Variants in GNG7 observed in about 807,000 individuals in gnomAD.
GNG7 encodes the protein G protein subunit gamma 7, also known as guanine nucleotide-binding protein G(I)/G(S)/G(O) subunit gamma-7.
GNG7 carries 1 observed loss-of-function variant against 4.0 expected under a neutral mutation model. The ratio of observed to expected loss-of-function variants is 0.25; its 90% CI spans 0.09 to 1.18. The LOEUF is 1.18. Ranked by LOEUF, GNG7 falls within the 50% of genes most tolerant of loss-of-function variation. The pLI, the probability that GNG7 is intolerant of heterozygous loss-of-function variation, is 0.50. For missense variants in GNG7, 86 were observed against 91.9 expected (o/e 0.94, Z 0.26); for synonymous variants, 34 against 36.9 (o/e 0.92, Z 0.29).
chr19:2,543,045 T>A (rs936982911), intron 3 of GNG7, among the ~76,000 whole-genome samples: 1 of 151,882 alleles, frequency 6.6e-6, no homozygotes, highest in Non-Finnish European at 1.5e-5. Flanking sequence ...CCCGAGTAGC[T>A]GGGATTACAG....
intron 1 of GNG7, among the ~76,000 whole-genome samples, chr19:2,657,353 AAAAAAAAAATATAT>A (rs1181188919): frequency 2.0e-3 from 42 of 20,758 alleles, no homozygotes; most frequent in South Asian, 3.6e-3. Flanking sequence ...AAAAAAAAAA[AAAAAAAAAATATAT>A]ATATATATAT....
At chr19:2,673,491 G>A (rs1437711169) in intron 1 of GNG7, among the ~76,000 whole-genome samples, 2 of 151,648 alleles carry the variant, frequency 1.3e-5, no homozygotes, top group Admixed American at 6.6e-5. Context: ...TCAGGAATTC[G>A]AGACCAGCCT....
intron 2 of GNG7, among the ~76,000 whole-genome samples, chr19:2,628,079 T>C (rs1340449825): frequency 6.6e-6 from 1 of 152,160 alleles, no homozygotes; most frequent in Non-Finnish European, 1.5e-5. Context: ...GAAGTGGAGA[T>C]CATTATCTCA....
At chr19:2,638,180 T>G (rs1016763079) in intron 2 of GNG7, among the ~76,000 whole-genome samples, 1 of 151,040 alleles carries the variant, frequency 6.6e-6, no homozygotes, top group African/African-American at 2.4e-5. Flanking sequence ...CTGGCTAACA[T>G]GGTGAAACCC....
intron 1 of GNG7, chr19:2,701,321 G>C (rs1234091502): frequency 6.6e-6 from 1 of 151,506 alleles, no homozygotes; most frequent in Non-Finnish European, 1.5e-5. Context: ...TTTTCCTCCT[G>C]ATTAGTCAAT....
At chr19:2,521,615 T>TTTTTTTC (rs1978309186) in intron 3 of GNG7, among the ~76,000 whole-genome samples, 1 of 135,656 alleles carries the variant, frequency 7.4e-6, no homozygotes, top group African/African-American at 2.7e-5. Context: ...CCTCCGTGTT[T>TTTTTTTC]TTTTTTTTTT....
At chr19:2,568,242 CACAT>C (rs1979994117) in intron 2 of GNG7, among the ~76,000 whole-genome samples, 2 of 151,632 alleles carry the variant, frequency 1.3e-5, no homozygotes, top group African/African-American at 4.8e-5. Flanking sequence ...TGCACATACA[CACAT>C]ATAGACATAC....
intron 2 of GNG7, among the ~76,000 whole-genome samples, chr19:2,559,704 G>C (rs1979677472): frequency 1.1e-5 from 1 of 90,178 alleles, no homozygotes; most frequent in East Asian, 2.8e-4. Flanking sequence ...AGTAGAGACA[G>C]GGTTTCTCCA....
chr19:2,553,258 A>G (rs1033870731), intron 3 of GNG7, among the ~76,000 whole-genome samples: 7 of 151,558 alleles, frequency 4.6e-5, no homozygotes, highest in Non-Finnish European at 1.0e-4. Flanking sequence ...CCAGTGTGTG[A>G]CATCCAATTA....
At position 2,557,929 on chromosome 19, in the gene GNG7, C is replaced by A. The variant is rs1000642640; in HGVS notation, c.-77-2741G>T. Among the ~76,000 whole-genome samples, 1 of 152,038 alleles carries A rather than the reference C, an allele frequency of 6.6e-6. No homozygotes were observed. The highest frequency in any genetic ancestry group is 6.6e-5 in the Admixed American group (1 of 15,252). On this transcript the variant is annotated intron_variant, in intron 2 of 4. Transcript: ENST00000382159. The surrounding 1 kb of genome is among the most constrained non-coding windows in gnomAD (Gnocchi z 5.1). Reference sequence around the variant, plus strand: ...CGATCTCGGCTCACTGCAACCTCTGCCTCCTGGGTACAAGCGACTCTCCTG... The same window carrying A: ...CGATCTCGGCTCACTGCAACCTCTGACTCCTGGGTACAAGCGACTCTCCTG...
intron 2 of GNG7, among the ~76,000 whole-genome samples, chr19:2,629,913 C>T (rs139966074): frequency 1.5e-4 from 23 of 152,198 alleles, no homozygotes; most frequent in East Asian, 1.3e-3. Flanking sequence ...ACTATGGTTA[C>T]GTAAGATGTC....
intron 2 of GNG7, among the ~76,000 whole-genome samples, chr19:2,575,679 AC>A (rs1437886123): frequency 6.9e-6 from 1 of 145,056 alleles, no homozygotes; most frequent in Non-Finnish European, 1.5e-5. Flanking sequence ...ACATGCAGAC[AC>A]GCAGGCACAC....
intron 3 of GNG7, among the ~76,000 whole-genome samples, chr19:2,542,867 T>A (rs1979007853): frequency 6.7e-6 from 1 of 149,100 alleles, no homozygotes; most frequent in South Asian, 2.1e-4. Context: ...GCACACATCA[T>A]CTCTGCTGTT....
chr19:2,620,627 C>T (rs1041661545), intron 2 of GNG7, among the ~76,000 whole-genome samples: 17 of 152,154 alleles, frequency 1.1e-4, no homozygotes, highest in African/African-American at 4.1e-4. Flanking sequence ...TGTCATCGGC[C>T]ACCCTAGAGG....
At chr19:2,619,600 G>T (rs1981812145) in intron 2 of GNG7, among the ~76,000 whole-genome samples, 2 of 152,192 alleles carry the variant, frequency 1.3e-5, no homozygotes. Flanking sequence ...AAGGAACAAG[G>T]CTCTGATGCC....
At chr19:2,596,667 C>T (rs527785058) in intron 2 of GNG7, among the ~76,000 whole-genome samples, 4 of 150,166 alleles carry the variant, frequency 2.7e-5, no homozygotes, top group African/African-American at 9.8e-5. Flanking sequence ...AGACCCTGTC[C>T]CCCCCCCAAA....
intron 3 of GNG7, among the ~76,000 whole-genome samples, chr19:2,525,849 G>A (rs998239232): frequency 6.6e-6 from 1 of 151,826 alleles, no homozygotes; most frequent in African/African-American, 2.4e-5. Flanking sequence ...TCGCTCTGTC[G>A]CCCAGGCTGA....
At chr19:2,652,818 C>T (rs1982866179) in intron 1 of GNG7, among the ~76,000 whole-genome samples, 2 of 152,104 alleles carry the variant, frequency 1.3e-5, no homozygotes, top group Non-Finnish European at 2.9e-5. Context: ...CACAAGGGCT[C>T]ATGCCTGTAA....
At chr19:2,624,768 G>C (rs937724468) in intron 2 of GNG7, among the ~76,000 whole-genome samples, 28 of 152,310 alleles carry the variant, frequency 1.8e-4, no homozygotes, top group Admixed American at 1.6e-3. Flanking sequence ...AAGGAGGGAG[G>C]CTTTCTGGTA....
Sources: gnomAD v4.1 joint callset for allele counts (sites outside exome capture counted in the v4.1 genomes callset) on GRCh38, gnomAD v4.1.1 for gene constraint, Gnocchi (gnomAD v3.1) non-coding constraint, MANE v1.5 for transcripts, NCBI Gene and HGNC (gene_info 2026-07-23, HGNC 2026-07-21) for gene names.